The following AKAIN1 variants were observed in gnomAD, a reference collection of about 807,000 sequenced individuals.
AKAIN1 encodes A-kinase anchor protein inhibitor 1.
In AKAIN1, 3 loss-of-function variants were observed where a neutral mutation model predicts 3.7. The ratio of observed to expected loss-of-function variants is 0.82; its 90% CI spans 0.37 to 2.12. AKAIN1 has a LOEUF of 2.12. Among genes scored for constraint, AKAIN1 ranks in the 30% most tolerant of loss-of-function variants. AKAIN1 has a pLI of 0.06. For synonymous variants in AKAIN1, 31 were observed against 30.8 expected, an observed-to-expected ratio of 1.01 and a Z score of -0.02; for missense variants, 82 against 82.7, an observed-to-expected ratio of 0.99 and a Z score of 0.03.
chr18:5,169,150 G>A (rs936850796), intron 1 of AKAIN1, among the ~76,000 whole-genome samples: 1 of 152,056 alleles, frequency 6.6e-6, no homozygotes, highest in Non-Finnish European at 1.5e-5. Flanking sequence ...GAGACTCTAT[G>A]TTGCAGTCTT....
At chr18:5,149,861 T>C (rs549894886) in intron 1 of AKAIN1, among the ~76,000 whole-genome samples, 45 of 152,310 alleles carry the variant, frequency 3.0e-4, no homozygotes, top group African/African-American at 1.0e-3. Flanking sequence ...TTTTTGTTTT[T>C]TTCTGATGGG....
intron 1 of AKAIN1, among the ~76,000 whole-genome samples, chr18:5,195,360 T>C (rs553168873): frequency 6.6e-6 from 1 of 152,322 alleles, no homozygotes; most frequent in South Asian, 2.1e-4. Flanking sequence ...TTCATTACAG[T>C]GGCCATCACT....
chr18:5,189,338 G>A (rs1004018359), intron 1 of AKAIN1, among the ~76,000 whole-genome samples: 1 of 152,142 alleles, frequency 6.6e-6, no homozygotes, highest in African/African-American at 2.4e-5. Flanking sequence ...AGCAAATGAT[G>A]ACTTGGCCAC....
At position 5,154,792 on chromosome 18, in the gene AKAIN1, C is replaced by A. The variant is rs560236603; in HGVS notation, c.17-9037G>T. 1.4e-4 allele frequency among the ~76,000 whole-genome samples: 21 copies of A among 152,210 alleles called. No homozygotes were observed. In the South Asian group the frequency reaches 4.4e-3, roughly 32 times the overall value. ...CAACTGATGCTGCCCCTCCCTTTTA[C>A]GTTCCAACAAAACAACCAACTAGCA... On this transcript the variant is annotated intron_variant, in intron 1 of 1. Coordinates refer to ENST00000434239, the MANE Select transcript of AKAIN1 (RefSeq NM_001145194.2).
intron 1 of AKAIN1, among the ~76,000 whole-genome samples, chr18:5,166,440 T>G (rs2071168393): frequency 6.6e-6 from 1 of 151,962 alleles, no homozygotes; most frequent in Non-Finnish European, 1.5e-5. Context: ...CCCTCTCCCA[T>G]ATAGACACAC....
At chr18:5,173,113 T>A (rs903206511) in intron 1 of AKAIN1, among the ~76,000 whole-genome samples, 8 of 152,306 alleles carry the variant, frequency 5.3e-5, no homozygotes, top group African/African-American at 1.7e-4. Flanking sequence ...CTAATGGCCA[T>A]GAAAATGCTC....
intron 1 of AKAIN1, among the ~76,000 whole-genome samples, chr18:5,164,839 A>G (rs908467619): frequency 4.6e-5 from 7 of 152,044 alleles, no homozygotes; most frequent in Admixed American, 6.6e-5. Context: ...GGTGCAGACA[A>G]TGCATTTCTG....
At chr18:5,146,141 A>G (rs998463036) in intron 1 of AKAIN1, among the ~76,000 whole-genome samples, 2 of 152,158 alleles carry the variant, frequency 1.3e-5, no homozygotes, top group African/African-American at 4.8e-5. Flanking sequence ...GGTTTTTTCC[A>G]ATATTTTTCT....
intron 1 of AKAIN1, among the ~76,000 whole-genome samples, chr18:5,166,456 A>G (rs967854492): frequency 6.6e-5 from 10 of 152,018 alleles, no homozygotes; most frequent in Non-Finnish European, 1.5e-4. Flanking sequence ...CACACGGACC[A>G]CTATCCAGTG....
At chr18:5,152,352 G>T (rs1454255387) in intron 1 of AKAIN1, among the ~76,000 whole-genome samples, 1 of 152,154 alleles carries the variant, frequency 6.6e-6, no homozygotes, top group Non-Finnish European at 1.5e-5. Flanking sequence ...AACAGGATCG[G>T]TATGAGAATG....
At chr18:5,177,909 A>T (rs143741299) in intron 1 of AKAIN1, among the ~76,000 whole-genome samples, 1 of 152,200 alleles carries the variant, frequency 6.6e-6, no homozygotes, top group Admixed American at 6.5e-5. Flanking sequence ...ATCACTGGAG[A>T]AGACACAGTG....
chr18:5,179,634 A>C (rs752421225), intron 1 of AKAIN1, among the ~76,000 whole-genome samples: 6 of 152,028 alleles, frequency 3.9e-5, no homozygotes, highest in Non-Finnish European at 5.9e-5. Flanking sequence ...TTCTAGTTTT[A>C]GTTATTTGAT....
chr18:5,187,340 G>C (rs537027176), intron 1 of AKAIN1, among the ~76,000 whole-genome samples: 3 of 152,256 alleles, frequency 2.0e-5, no homozygotes, highest in South Asian at 4.1e-4. Context: ...CAGAATGAAA[G>C]GGAAATGTCT....
At chr18:5,160,474 A>G (rs1469647655) in intron 1 of AKAIN1, among the ~76,000 whole-genome samples, 1 of 151,996 alleles carries the variant, frequency 6.6e-6, no homozygotes, top group Non-Finnish European at 1.5e-5. Context: ...TTCCTTGTCA[A>G]TTATATGTGC....
upstream of AKAIN1, chr18:5,197,516 A>AAAAAAAAAAAAAAT (rs58012253): frequency 2.5e-6 from 3 of 1,211,924 alleles, no homozygotes; most frequent in Non-Finnish European, 3.1e-6. This position sits in a 1 kb window ranked among gnomAD's most constrained non-coding sequence, Gnocchi z 6.9. Context: ...AAAAAAAAAA[A>AAAAAAAAAAAAAAT]CTCTAAGAGC....
At chr18:5,188,019 A>C (rs766429817) in intron 1 of AKAIN1, among the ~76,000 whole-genome samples, 1 of 152,138 alleles carries the variant, frequency 6.6e-6, no homozygotes, top group Non-Finnish European at 1.5e-5. Flanking sequence ...GAAATAGGCC[A>C]GAAAAAAAGG....
rs149239164 is a variant in AKAIN1 at position 5,184,422 on chromosome 18, T to A, written c.16+12616A>T. On this transcript the variant is annotated intron_variant, in intron 1 of 1. Transcript: ENST00000434239. ...AAACTCTGTCTGTTTGCAGACAATA[T>A]GATTCTATCCCTAGAAAATTCTGTA... is the stretch of plus-strand genomic sequence containing the variant. Among the ~76,000 whole-genome samples the A allele has an allele frequency of 9.5e-4, 145 of 152,186 alleles. 2 individuals are homozygous for A. In the East Asian group the frequency reaches 0.024, roughly 25 times the overall value.
At chr18:5,171,601 T>C (rs932829756) in intron 1 of AKAIN1, among the ~76,000 whole-genome samples, 1 of 152,144 alleles carries the variant, frequency 6.6e-6, no homozygotes, top group African/African-American at 2.4e-5. Context: ...CTCAATATCA[T>C]TGATCATCAG....
chr18:5,163,200 C>G (rs2071149432), intron 1 of AKAIN1, among the ~76,000 whole-genome samples: 2 of 151,724 alleles, frequency 1.3e-5, no homozygotes, highest in African/African-American at 4.9e-5. Flanking sequence ...GTGCAAGTCC[C>G]AAAGTGCAAA....
Sources: allele counts gnomAD v4.1 joint callset (sites outside exome capture counted in the v4.1 genomes callset), GRCh38; gene constraint gnomAD v4.1.1; non-coding constraint Gnocchi (gnomAD v3.1); transcripts MANE v1.5; gene names NCBI Gene and HGNC (gene_info 2026-07-23, HGNC 2026-07-21).